Variants in MDK observed in about 807,000 individuals in gnomAD.
The protein encoded by MDK is amphiregulin-associated protein.
MDK carries 17 observed loss-of-function variants against 18.9 expected under a neutral mutation model. The observed-to-expected ratio is 0.90, with a 90% CI of 0.62 to 1.35. The LOEUF (loss-of-function observed/expected upper bound fraction) is 1.35, where lower values mean the gene tolerates loss of function less well. MDK is among the 40% of genes most tolerant of loss of function. The probability of loss-of-function intolerance (pLI) is 0.00; values close to 1 mark genes in which losing one functional copy is unlikely to be tolerated. For synonymous variants in MDK, 86 were observed against 74.3 expected (o/e 1.16, Z -0.81); for missense variants, 180 against 186.3 (o/e 0.97, Z 0.20).
chr11:46,383,201 G>A (rs1945274594), intron 4 of MDK: 1 of 447,374 alleles, frequency 2.2e-6, no homozygotes, highest in Non-Finnish European at 4.0e-6. Context: ...CAGGTGAGGA[G>A]GCTGAGGATG....
chr11:46,382,105 G>A lies in MDK; in HGVS notation c.48G>A (p.Ala16=). ...FLLLTLLALL[A]LTSAVAKKKD... is the part of the protein sequence containing the mutation. ...TCCTCACCCTCCTCGCCCTGCTGGCGCTCACCTCCGCGGTCGCCAAAAAGA... is the reference window on the plus strand; with the variant it reads ...TCCTCACCCTCCTCGCCCTGCTGGCACTCACCTCCGCGGTCGCCAAAAAGA... Residue 16 remains alanine (A), a synonymous_variant, in exon 2 of 5, where the codon GCG becomes GCA. Transcript: ENST00000395566. The A allele has an allele frequency of 6.2e-7, 1 of 1,611,086 alleles. No individual in the cohort carries two copies. Among genetic ancestry groups the A allele is most frequent in the Non-Finnish European group, 8.5e-7 (1 of 1,179,214 alleles).
chr11:46,382,621 G>T lies in MDK; in HGVS notation c.279G>T (p.Ala93=), dbSNP rs764089666. The change falls in exon 4 of 5, where the codon GCG becomes GCT. Residue 93 remains alanine (A), a synonymous_variant. Coordinates refer to ENST00000395566, the MANE Select transcript of MDK (RefSeq NM_002391.6). ...AGTACAAGTTTGAGAACTGGGGTGC[G>T]TGTGATGGGGGCACAGGCACCAAAG... ...DCKYKFENWG[A]CDGGTGTKVR... The T allele has an allele frequency of 6.2e-6, 10 of 1,612,410 alleles. No homozygotes were observed. In the Admixed American group the frequency reaches 1.7e-4, roughly 27 times the overall value.
intron 4 of MDK, 177 bp downstream of exon 4, chr11:46,382,925 A>AT (rs1945267540): frequency 1.7e-5 from 12 of 710,188 alleles, no homozygotes; most frequent in East Asian, 2.7e-5. Flanking sequence ...ACTACAAGAG[A>AT]GGCCGCAGGT....
intron 1 of MDK, 21 bp downstream of exon 1, chr11:46,381,779 G>C: frequency 3.1e-6 from 1 of 320,930 alleles, no homozygotes; most frequent in Non-Finnish European, 5.7e-6. Context: ...GGCGGCCCCT[G>C]GTCCGCCCGG....
chr11:46,381,933 C>A (rs1195152368), intron 1 of MDK, 124 bp from the exon 2 acceptor site: 45 of 1,031,568 alleles, frequency 4.4e-5, no homozygotes, highest in Non-Finnish European at 6.3e-5. Flanking sequence ...TTCCCACCGC[C>A]GCCACCTTAG....
rs767636741 is a variant in MDK at position 46,382,647 on chromosome 11, T to G, written c.305T>G (p.Val102Gly). Residue 102 changes from valine to glycine, a missense_variant, in exon 4 of 5, where the codon GTC becomes GGC. Val to Gly is a moderately radical substitution (Grantham distance 109). Coordinates refer to ENST00000395566, the MANE Select transcript of MDK (RefSeq NM_002391.6). ...TGTGATGGGGGCACAGGCACCAAAGTCCGCCAAGGCACCCTGAAGAAGGCG... is the reference window on the plus strand; with the variant it reads ...TGTGATGGGGGCACAGGCACCAAAGGCCGCCAAGGCACCCTGAAGAAGGCG... The part of the protein sequence containing the change: ...GACDGGTGTK[V>G]RQGTLKKARY... The G allele has an allele frequency of 1.2e-6, 2 of 1,612,780 alleles. No homozygotes were observed. Among genetic ancestry groups the G allele is most frequent in the East Asian group, 2.2e-5 (1 of 44,832 alleles).
intron 4 of MDK, 84 bp downstream of exon 4, chr11:46,382,832 A>C: frequency 6.8e-7 from 1 of 1,469,208 alleles, no homozygotes; most frequent in Non-Finnish European, 9.2e-7. Flanking sequence ...TTCCAAGTTA[A>C]ACCTTAAGTT....
rs377442266 is a variant in MDK at position 46,382,448 on chromosome 11, G to T, written c.231G>T (p.Lys77Asn). The T allele has an allele frequency of 2.7e-5, 41 of 1,524,352 alleles. No individual in the cohort carries two copies. Among genetic ancestry groups the T allele is most frequent in the Non-Finnish European group, 3.4e-5 (39 of 1,134,934 alleles). The allele number at this position is 1,524,352 out of a possible 1,614,324, so 94.4% of individuals were successfully genotyped here. ...RIRCRVPCNW[K>N]KEFGADCKYK... ...GGTGCAGGGTGCCCTGCAACTGGAA[G>T]AAGGAGTTTGGAGGTGAGGCGGGGC... The change falls in exon 3 of 5, where the codon AAG becomes AAT. Residue 77 changes from lysine (K) to asparagine (N), a missense_variant. Physicochemically the swap from Lys to Asn is moderately conservative, Grantham distance 94. Coordinates refer to ENST00000395566, the MANE Select transcript of MDK (RefSeq NM_002391.6).
chr11:46,382,953 T>C, intron 4 of MDK: 1 of 634,842 alleles, frequency 1.6e-6, no homozygotes. Flanking sequence ...GGGACATAAA[T>C]CCTCCCTGGC....
At chr11:46,383,218 G>A (rs1945274793) in intron 4 of MDK, 2 of 466,896 alleles carry the variant, frequency 4.3e-6, no homozygotes, top group Non-Finnish European at 7.7e-6. Context: ...GATGCCCAGG[G>A]CTGCTGTGAC....
chr11:46,383,162 G>T, intron 4 of MDK: 2 of 418,218 alleles, frequency 4.8e-6, no homozygotes, highest in Non-Finnish European at 8.7e-6. Context: ...AGCGAGGCCA[G>T]CAGGGCAGGG....
At chr11:46,382,177 G>C in intron 2 of MDK, 44 bp downstream of exon 2, 1 of 1,607,848 alleles carries the variant, frequency 6.2e-7, no homozygotes, top group East Asian at 2.2e-5. Context: ...GGGCAGGCGA[G>C]GCCCCTCCAC....
rs1285763389 is a variant in MDK, at chr11:46,382,322, C to G, written c.105C>G (p.Ser35Arg). 2 of 1,607,900 alleles carry G rather than the reference C, an allele frequency of 1.2e-6. No homozygotes were observed. Among genetic ancestry groups the G allele is most frequent in the African/African-American group, 1.3e-5 (1 of 74,714 alleles). The stretch of plus-strand genomic sequence containing the variant: ...AGGTGAAGAAGGGCGGCCCGGGGAG[C>G]GAGTGCGCTGAGTGGGCCTGGGGGC... ...KDKVKKGGPGSECAEWAWGPC... is the reference protein window; with the variant it reads ...KDKVKKGGPGRECAEWAWGPC... The change falls in exon 3 of 5, where the codon AGC becomes AGG. Residue 35 changes from serine (S) to arginine (R), a missense_variant. Coordinates refer to ENST00000395566, the MANE Select transcript of MDK (RefSeq NM_002391.6).
chr11:46,382,991 C>T (rs1157754189), intron 4 of MDK: 2 of 574,934 alleles, frequency 3.5e-6, no homozygotes, highest in Non-Finnish European at 3.1e-6. Context: ...CAAACTACTC[C>T]ATTGGAGCAT....
In MDK at chr11:46,381,756, C is replaced by G. The variant is rs921006191; in HGVS notation, c.-4C>G. On this transcript the variant is annotated splice_region_variant and 5_prime_UTR_variant, in exon 1 of 5. Transcript: ENST00000395566. ...GGAGCGAAGCAGCGCGGGCAGCGAG[C>G]GAGTGAGCGCGCGGCGGCCCCTGGT... 1.5e-4 allele frequency: 35 copies of G among 231,038 alleles called. No homozygotes were observed. Among genetic ancestry groups the G allele is most frequent in the Non-Finnish European group, 2.3e-4 (30 of 130,908 alleles). The allele number at this position is 231,038 out of a possible 1,614,324, so 14.3% of individuals were successfully genotyped here. A position where few individuals can be genotyped will look rare whatever the true frequency, so the allele number is the denominator to read the frequency against.
Position 46,383,634 on chromosome 11 carries a change from C to T in MDK, c.*140C>T, listed in dbSNP as rs753463397. 1 of 811,998 alleles carries T rather than the reference C, an allele frequency of 1.2e-6. No individual in the cohort carries two copies. The highest frequency in any genetic ancestry group is 1.4e-5 in the South Asian group (1 of 72,874). The allele number at this position is 811,998 out of a possible 1,614,324, so 50.3% of individuals were successfully genotyped here. ...TAATCAATCATGCCCTGCCTTGTCC[C>T]TCTCACTCCCCAGCCCCACCCCTAA... is the stretch of plus-strand genomic sequence containing the variant. On this transcript the variant is annotated 3_prime_UTR_variant, in exon 5 of 5. Coordinates refer to ENST00000395566, the MANE Select transcript of MDK (RefSeq NM_002391.6).
intron 1 of MDK, 101 bp downstream of exon 1, chr11:46,381,859 C>A: frequency 1.7e-6 from 1 of 574,708 alleles, no homozygotes. Flanking sequence ...GGGCTCGAGG[C>A]GTCCCCCGGG....
At chr11:46,382,790 G>GGGCCC in intron 4 of MDK, 42 bp downstream of exon 4, 1 of 985,982 alleles carries the variant, frequency 1.0e-6, no homozygotes, top group Non-Finnish European at 1.3e-6. Context: ...GCGGGGGGCT[G>GGGCCC]CCCCCCCCCC....
intron 1 of MDK, 124 bp from the exon 2 acceptor site, chr11:46,381,933 C>T: frequency 1.9e-6 from 2 of 1,031,674 alleles, no homozygotes; most frequent in East Asian, 2.6e-5. Context: ...TTCCCACCGC[C>T]GCCACCTTAG....
Sources: allele counts gnomAD v4.1 joint callset, GRCh38; gene constraint gnomAD v4.1.1; transcripts MANE v1.5; gene names NCBI Gene and HGNC (gene_info 2026-07-23, HGNC 2026-07-21).